The following KPNB1 variants were observed in gnomAD, a reference collection of about 807,000 sequenced individuals.
KPNB1 encodes importin subunit beta-1.
KPNB1 carries 7 observed loss-of-function variants against 113.0 expected under a neutral mutation model. The ratio of observed to expected loss-of-function variants is 0.06; its 90% CI spans 0.04 to 0.12. KPNB1 has a LOEUF of 0.12. Ranked by LOEUF, KPNB1 falls within the 10% of genes least tolerant of loss-of-function variation. The pLI is 1.00. For missense variants in KPNB1, 400 were observed against 1,054.8 expected (o/e 0.38, Z 8.60); for synonymous variants, 363 against 378.6 (o/e 0.96, Z 0.48).
intron 2 of KPNB1, 72 bp downstream of exon 2, chr17:47,650,516 G>C (rs1356511331): frequency 2.2e-6 from 3 of 1,380,580 alleles, no homozygotes; most frequent in East Asian, 2.6e-5. Context: ...CCGCCCTCCC[G>C]GAGGCCCAGG....
chr17:47,680,045 A>G lies in KPNB1; in HGVS notation c.2379A>G (p.Arg793=), dbSNP rs1450328885. 1 of 1,613,520 alleles carries G rather than the reference A, an allele frequency of 6.2e-7. No individual in the cohort carries two copies. The highest frequency in any genetic ancestry group is 1.1e-5 in the South Asian group (1 of 91,078). The part of the protein sequence containing the change: ...VHPDVMLVQP[R]VEFILSFIDH... ...CGGATGTGATGCTGGTACAACCCAG[A>G]GTAGAATTTATTCTGTCTTTCATTG... The change falls in exon 20 of 22, where the codon AGA becomes AGG. Residue 793 remains arginine (R), a synonymous_variant. Coordinates refer to ENST00000290158, the MANE Select transcript of KPNB1 (RefSeq NM_002265.6).
rs1192506121 is a variant in KPNB1 at position 47,664,533 on chromosome 17, G to A, written c.897+264G>A. ...GAACACAAGGGGGCAGCAGGCTGTC[G>A]CAGTTTACCAAGGTGATGCCTGATG... On this transcript the variant is annotated intron_variant, in intron 8 of 21. Transcript: ENST00000290158. 2.6e-5 allele frequency among the ~76,000 whole-genome samples: 4 copies of A among 152,096 alleles called. No homozygotes were observed. In the South Asian group the frequency reaches 6.2e-4, roughly 24 times the overall value.
At chr17:47,672,202 C>T (rs1032181729) in intron 12 of KPNB1, among the ~76,000 whole-genome samples, 3 of 151,982 alleles carry the variant, frequency 2.0e-5, no homozygotes, top group African/African-American at 7.3e-5. Flanking sequence ...GATGGGGTTT[C>T]GCCATGTTGG....
At chr17:47,650,360 T>G in intron 1 of KPNB1, 26 bp from the exon 2 acceptor site, 1 of 1,610,796 alleles carries the variant, frequency 6.2e-7, no homozygotes, top group Non-Finnish European at 8.5e-7. Flanking sequence ...CTGACCCCGC[T>G]CCGTCTCCCA....
intron 15 of KPNB1, among the ~76,000 whole-genome samples, chr17:47,675,648 A>AT (rs1166178178): frequency 6.6e-6 from 1 of 152,084 alleles, no homozygotes; most frequent in Non-Finnish European, 1.5e-5. Context: ...GAAATGAAAC[A>AT]TTGAGCGAGT....
chr17:47,651,345 G>A, intron 2 of KPNB1: 1 of 985,354 alleles, frequency 1.0e-6, no homozygotes, highest in Non-Finnish European at 1.2e-6. Flanking sequence ...TCAGAGGGAA[G>A]GATTGGATGA....
chr17:47,669,142 C>T (rs938300647), intron 10 of KPNB1, among the ~76,000 whole-genome samples: 3 of 151,728 alleles, frequency 2.0e-5, no homozygotes, highest in African/African-American at 4.8e-5. Flanking sequence ...ACTCTGTCAC[C>T]CATGCTGGAG....
intron 15 of KPNB1, 57 bp from the exon 16 acceptor site, chr17:47,676,352 C>T: frequency 1.6e-6 from 2 of 1,258,004 alleles, no homozygotes; most frequent in Non-Finnish European, 2.3e-6. Context: ...GTTATTTCTG[C>T]CTGCCTCTGT....
At chr17:47,677,248 C>T (rs2030639971) in intron 17 of KPNB1, 121 bp downstream of exon 17, 15 of 754,986 alleles carry the variant, frequency 2.0e-5, no homozygotes, top group East Asian at 1.3e-4. Flanking sequence ...TTTGGGAGGC[C>T]GAGGCAGGCC....
intron 2 of KPNB1, 89 bp downstream of exon 2, chr17:47,650,533 GA>G: frequency 8.8e-7 from 1 of 1,132,162 alleles, no homozygotes; most frequent in Non-Finnish European, 1.3e-6. Flanking sequence ...CAGGCCTCGG[GA>G]ACCTACCCCG....
chr17:47,666,199 C>T (rs1321569932), intron 9 of KPNB1, among the ~76,000 whole-genome samples: 2 of 151,748 alleles, frequency 1.3e-5, no homozygotes, highest in African/African-American at 2.4e-5. Context: ...AGTACAGGTG[C>T]GCACCACCAC....
rs746127319 is a variant in KPNB1 at position 47,673,534 on chromosome 17, T to G, written c.1740T>G (p.Leu580=). 6.2e-6 allele frequency: 10 copies of G among 1,613,598 alleles called. No individual in the cohort carries two copies. In the East Asian group the frequency reaches 2.2e-4, roughly 36 times the overall value. ...CCGATAGAATCCAGTTCAATGACCT[T>G]CAGTCTTTACTCTGTGCAACTCTTC... The part of the protein sequence containing the change: ...STSDRIQFND[L]QSLLCATLQN... The change falls in exon 14 of 22, where the codon CTT becomes CTG. Residue 580 remains leucine (L), a synonymous_variant. Coordinates refer to ENST00000290158, the MANE Select transcript of KPNB1 (RefSeq NM_002265.6).
chr17:47,666,586 CATATTATATATAATTATAT>C (rs2030292527), intron 9 of KPNB1, among the ~76,000 whole-genome samples: 1 of 142,238 alleles, frequency 7.0e-6, no homozygotes. Context: ...ATATGTACTA[CATATTATATATAATTATAT>C]ATATTTTATA....
intron 19 of KPNB1, 167 bp from the exon 20 acceptor site, chr17:47,679,853 C>G (rs562417724): frequency 2.8e-5 from 14 of 497,146 alleles, no homozygotes; most frequent in South Asian, 4.1e-5. Context: ...CCCGCCACCA[C>G]GCCCGGCTAA....
At chr17:47,677,174 A>G (rs1200919869) in intron 17 of KPNB1, 47 bp downstream of exon 17, 1 of 1,379,960 alleles carries the variant, frequency 7.2e-7, no homozygotes, top group Non-Finnish European at 1.0e-6. Context: ...TTTGAAGAAA[A>G]CAACAGTTGG....
At chr17:47,656,741 C>A in intron 3 of KPNB1, 119 bp from the exon 4 acceptor site, 1 of 966,764 alleles carries the variant, frequency 1.0e-6, no homozygotes, top group Non-Finnish European at 1.6e-6. Flanking sequence ...TAGTGAGACC[C>A]TGTCTTAAGA....
At chr17:47,666,273 G>A (rs556730980) in intron 9 of KPNB1, among the ~76,000 whole-genome samples, 69 of 151,164 alleles carry the variant, frequency 4.6e-4, no homozygotes, top group Non-Finnish European at 8.0e-4. Flanking sequence ...GGCTGGTCTC[G>A]AACTCCTGAC....
At chr17:47,665,758 G>A (rs1456525794) in intron 9 of KPNB1, among the ~76,000 whole-genome samples, 1 of 152,164 alleles carries the variant, frequency 6.6e-6, no homozygotes, top group East Asian at 1.9e-4. Context: ...CCGTGTCCTG[G>A]TTGCTTTTGT....
intron 12 of KPNB1, 100 bp from the exon 13 acceptor site, chr17:47,672,918 C>A: frequency 9.1e-7 from 1 of 1,103,562 alleles, no homozygotes; most frequent in Non-Finnish European, 1.3e-6. Context: ...GGTCTGCAGA[C>A]ATACCGGTTC....
Sources: allele counts gnomAD v4.1 joint callset (sites outside exome capture counted in the v4.1 genomes callset), GRCh38; gene constraint gnomAD v4.1.1; transcripts MANE v1.5; gene names NCBI Gene and HGNC (gene_info 2026-07-23, HGNC 2026-07-21).